Variants in PPP1R13L observed in about 807,000 individuals in gnomAD.
The protein encoded by PPP1R13L is protein phosphatase 1 regulatory subunit 13 like.
PPP1R13L carries 50 observed loss-of-function variants against 80.9 expected under a neutral mutation model. The observed-to-expected ratio is 0.62, with a 90% CI of 0.49 to 0.78. PPP1R13L has a LOEUF of 0.78. PPP1R13L is among the 30% of genes least tolerant of loss of function. The pLI, the probability that PPP1R13L is intolerant of heterozygous loss-of-function variation, is 0.00. For missense variants in PPP1R13L, 1,200 were observed against 1,205.9 expected, an observed-to-expected ratio of 1.00 and a Z score of 0.07; for synonymous variants, 602 against 534.3, an observed-to-expected ratio of 1.13 and a Z score of -1.75.
Position 45,394,185 on chromosome 19 carries a change from G to T in PPP1R13L, c.1354+1251C>A, listed in dbSNP as rs537910528. On this transcript the variant is annotated intron_variant, in intron 7 of 12. Coordinates refer to ENST00000360957, the MANE Select transcript of PPP1R13L (RefSeq NM_006663.4). ...CTCACTCTGTCACCCAGGCTGGAGT[G>T]CAGTGGCGCTATCACAGCTCACTGC... 5.3e-5 allele frequency among the ~76,000 whole-genome samples: 8 copies of T among 152,190 alleles called. No homozygotes were observed. The South Asian group carries it at 1.7e-3, about 32-fold the overall frequency.
intron 11 of PPP1R13L, among the ~76,000 whole-genome samples, chr19:45,384,380 A>AAAG (rs796410121): frequency 0.081 from 11,905 of 147,712 alleles, 1,850 homozygotes; most frequent in African/African-American, 0.29. Flanking sequence ...AAAAAAAAAA[A>AAAG]AAAAAGTTAG....
At chr19:45,401,549 A>C (rs185857453) in intron 1 of PPP1R13L, among the ~76,000 whole-genome samples, 101 of 152,198 alleles carry the variant, frequency 6.6e-4, no homozygotes, top group African/African-American at 2.3e-3. Context: ...CCAGACTTTC[A>C]AACTGTAAGG....
upstream of PPP1R13L, chr19:45,406,136 C>G (rs369572488): frequency 7.4e-6 from 2 of 271,098 alleles, no homozygotes; most frequent in South Asian, 2.7e-4. This position sits in a 1 kb window ranked among gnomAD's most constrained non-coding sequence, Gnocchi z 4.2. Flanking sequence ...TCCAGAAGCC[C>G]CGCCCCTGGC....
intron 11 of PPP1R13L, among the ~76,000 whole-genome samples, chr19:45,383,051 G>C (rs900036978): frequency 5.5e-5 from 8 of 146,022 alleles, no homozygotes; most frequent in African/African-American, 1.8e-4. Context: ...CTGGAGTGCA[G>C]TGGCACGATC....
chr19:45,402,020 A>G (rs1973242869), intron 1 of PPP1R13L: 1 of 152,170 alleles, frequency 6.6e-6, no homozygotes. Context: ...AATCCGTAAA[A>G]TGGGGATGAA....
intron 11 of PPP1R13L, among the ~76,000 whole-genome samples, chr19:45,383,185 A>G (rs1972800614): frequency 1.3e-5 from 2 of 149,490 alleles, no homozygotes; most frequent in Non-Finnish European, 3.0e-5. Flanking sequence ...TAGTAGAGTC[A>G]GGGTTTCACC....
intron 8 of PPP1R13L, among the ~76,000 whole-genome samples, chr19:45,391,361 A>G (rs916825354): frequency 6.6e-6 from 1 of 152,184 alleles, no homozygotes; most frequent in Non-Finnish European, 1.5e-5. Context: ...GTATGACTCG[A>G]GATTGCTGAA....
chr19:45,395,957 C>A (rs1333613690), intron 6 of PPP1R13L, 71 bp from the exon 7 acceptor site: 12 of 1,411,684 alleles, frequency 8.5e-6, no homozygotes, highest in Non-Finnish European at 1.2e-5. Flanking sequence ...AGACAAAAGA[C>A]GAGAAGGGAG....
Position 45,399,066 on chromosome 19 carries a change from C to T in PPP1R13L, c.-21-727G>A, listed in dbSNP as rs34733515. Among the ~76,000 whole-genome samples the T allele has an allele frequency of 6.2e-4, 94 of 151,702 alleles. 1 individual carries two copies. The highest frequency in any genetic ancestry group is 2.2e-3 in the African/African-American group (93 of 41,382). The stretch of plus-strand genomic sequence containing the variant: ...TCATGCCAGTCTCCTGTCTCAGCCT[C>T]CCGAGTAGCTGGGACTACAGGCGCC... On this transcript the variant is annotated intron_variant, in intron 1 of 12. Coordinates refer to ENST00000360957, the MANE Select transcript of PPP1R13L (RefSeq NM_006663.4).
At chr19:45,385,499 T>A (rs1471376719) in intron 11 of PPP1R13L, 63 bp downstream of exon 11, 8 of 1,483,168 alleles carry the variant, frequency 5.4e-6, no homozygotes, top group Non-Finnish European at 7.2e-6. Context: ...AGGGGGTAGT[T>A]GCTCCCCTCC....
In PPP1R13L at chr19:45,396,497, G is replaced by C. The variant is rs373851937; in HGVS notation, c.712+48C>G. On this transcript the variant is annotated intron_variant, in intron 4 of 12. Coordinates refer to ENST00000360957, the MANE Select transcript of PPP1R13L (RefSeq NM_006663.4). This position sits in a 1 kb window ranked among gnomAD's most constrained non-coding sequence, Gnocchi z 5.3. ...GGGTGGCGAGCCCCGGATCCTGCCC[G>C]CTTTGACCCCGCGAGTCAAAGGCCC... is the stretch of plus-strand genomic sequence containing the variant. 8 of 1,607,278 alleles carry C rather than the reference G, an allele frequency of 5.0e-6. No individual in the cohort carries two copies. Among genetic ancestry groups the C allele is most frequent in the Non-Finnish European group, 6.8e-6 (8 of 1,177,594 alleles).
intron 7 of PPP1R13L, chr19:45,395,141 G>A (rs932642634): frequency 8.8e-5 from 34 of 386,062 alleles, no homozygotes; most frequent in Non-Finnish European, 3.8e-5. Context: ...CACCGTGCCC[G>A]GCCCATTATT....
Position 45,386,162 on chromosome 19 carries a change from G to A in PPP1R13L, c.1834C>T (p.Arg612Trp). Residue 612 changes from arginine to tryptophan, a missense_variant, in exon 9 of 13, where the codon CGG becomes TGG. Around this residue, in one of 5 missense-constraint regions of PPP1R13L, gnomAD observed 214 missense variants for 199.6 expected, o/e 1.07. Coordinates refer to ENST00000360957, the MANE Select transcript of PPP1R13L (RefSeq NM_006663.4). The stretch of plus-strand genomic sequence containing the variant: ...GCCTTGCGCGGGGAGCCCGCCTTCC[G>A]CAGCACAGAGCGCATCTCCTGGGGG... ...PQSMEMRSVL[R>W]KAGSPRKARR... 6.5e-7 allele frequency: 1 copy of A among 1,529,740 alleles called. No individual in the cohort carries two copies. Among genetic ancestry groups the A allele is most frequent in the Non-Finnish European group, 8.7e-7 (1 of 1,152,584 alleles). 94.8% of individuals were successfully genotyped at this position (1,529,740 alleles called of 1,614,324 possible).
At chr19:45,392,466 C>T in intron 7 of PPP1R13L, 126 bp from the exon 8 acceptor site, 2 of 944,430 alleles carry the variant, frequency 2.1e-6, no homozygotes, top group Non-Finnish European at 3.3e-6. Context: ...GTTCCTTGCC[C>T]TCTCTGGGCT....
In PPP1R13L at chr19:45,396,927, G is replaced by A; in HGVS notation, c.330C>T (p.Ser110=). The change falls in exon 4 of 13, where the codon AGC becomes AGT. Residue 110 remains serine (S), a synonymous_variant. Transcript: ENST00000360957. This position sits in a 1 kb window ranked among gnomAD's most constrained non-coding sequence, Gnocchi z 5.3. ...ACGGCCGTCCCTTGGGGGACAGCGG[G>A]CTGTAGGGGTGTAGGGTTGGGGCAC... The part of the protein sequence containing the change: ...SESAPTLHPY[S]PLSPKGRPSS... 1 of 1,483,506 alleles carries A rather than the reference G, an allele frequency of 6.7e-7. No individual in the cohort carries two copies. 91.9% of individuals were successfully genotyped at this position (1,483,506 alleles called of 1,614,324 possible). A position where few individuals can be genotyped will look rare whatever the true frequency, so the allele number is the denominator to read the frequency against.
rs1303986451 is a variant in PPP1R13L at position 45,383,546 on chromosome 19, C to G, written c.2249-820G>C. ...CTGACCTCAAGTGATCCACCCGCCT[C>G]GGCCTCCCAAAGTGCTGGGATTACA... On this transcript the variant is annotated intron_variant, in intron 11 of 12. Transcript: ENST00000360957. Among the ~76,000 whole-genome samples, 5 of 138,906 alleles carry G rather than the reference C, an allele frequency of 3.6e-5. No homozygotes were observed. In the East Asian group the frequency reaches 1.1e-3, roughly 31 times the overall value. The allele number at this position is 138,906 out of a possible 152,430, so 91.1% of individuals were successfully genotyped here. A position where few individuals can be genotyped will look rare whatever the true frequency, so the allele number is the denominator to read the frequency against.
chr19:45,385,806 G>C lies in PPP1R13L; in HGVS notation c.2081+18C>G, dbSNP rs771750966. 23 of 1,609,096 alleles carry C rather than the reference G, an allele frequency of 1.4e-5. No individual in the cohort carries two copies. Among genetic ancestry groups the C allele is most frequent in the Non-Finnish European group, 2.0e-5 (23 of 1,178,254 alleles). On this transcript the variant is annotated intron_variant, in intron 10 of 12. Transcript: ENST00000360957. The stretch of plus-strand genomic sequence containing the variant: ...CCGCCCACGGGGGACCCAGCCCACC[G>C]CGCGGGTCGGGGCTCACCAGCCGTG...
At chr19:45,381,554 T>C (rs1456329459) in intron 12 of PPP1R13L, among the ~76,000 whole-genome samples, 1 of 152,062 alleles carries the variant, frequency 6.6e-6, no homozygotes, top group Non-Finnish European at 1.5e-5. Flanking sequence ...GGGATGATAA[T>C]AAAAACATTG....
At chr19:45,386,499 A>G (rs904996939) in intron 8 of PPP1R13L, among the ~76,000 whole-genome samples, 5 of 152,184 alleles carry the variant, frequency 3.3e-5, no homozygotes, top group Admixed American at 3.3e-4. Flanking sequence ...CAATTCACAC[A>G]CAGTCTCACA....
Sources: gnomAD v4.1 joint callset for allele counts (sites outside exome capture counted in the v4.1 genomes callset) on GRCh38, gnomAD v4.1.1 for gene constraint, gnomAD v4.1.1 regional missense constraint, Gnocchi (gnomAD v3.1) non-coding constraint, MANE v1.5 for transcripts, NCBI Gene and HGNC (gene_info 2026-07-23, HGNC 2026-07-21) for gene names.